RPS6KC1: variants seen among roughly 807,000 people sequenced by gnomAD.
RPS6KC1 encodes the protein inactive ribosomal protein S6 kinase delta-1.
A neutral mutation model predicts 103.8 loss-of-function variants in RPS6KC1; 54 were observed. That is an observed-to-expected ratio of 0.52 (90% CI 0.42 to 0.65). The LOEUF is 0.65. RPS6KC1 is among the 30% of genes least tolerant of loss of function. RPS6KC1 has a pLI of 0.00. For synonymous variants in RPS6KC1, 439 were observed against 438.7 expected (o/e 1.00, Z -0.01); for missense variants, 1,151 against 1,253.8 (o/e 0.92, Z 1.24).
At chr1:213,588,057 G>T in the RPS6KC1 span, among the ~76,000 whole-genome samples, 2 of 152,260 alleles carry the variant, frequency 1.3e-5, no homozygotes, top group East Asian at 3.9e-4. Context: ...TCACGTGGTA[G>T]AAGGGGCCAA....
At chr1:213,287,662 C>T in the RPS6KC1 span, among the ~76,000 whole-genome samples, 1 of 152,156 alleles carries the variant, frequency 6.6e-6, no homozygotes, top group Admixed American at 6.5e-5. Context: ...GTGGGATACA[C>T]AAAGCGCTCT....
intron 6 of RPS6KC1, among the ~76,000 whole-genome samples, chr1:213,141,811 A>G (rs1489782040): frequency 6.6e-6 from 1 of 151,100 alleles, no homozygotes. Flanking sequence ...CAGAAATTCT[A>G]GTATGTCGTA....
the RPS6KC1 span, among the ~76,000 whole-genome samples, chr1:213,854,564 C>CTTTCTTTCTTTCTTTCTTTCTT: frequency 1.9e-5 from 2 of 105,672 alleles, no homozygotes; most frequent in Non-Finnish European, 3.9e-5. Context: ...TTCTTTCTTT[C>CTTTCTTTCTTTCTTTCTTTCTT]TCTCTCTCTC....
At chr1:213,520,860 T>A in the RPS6KC1 span, among the ~76,000 whole-genome samples, 10 of 152,150 alleles carry the variant, frequency 6.6e-5, no homozygotes, top group African/African-American at 2.4e-4. Flanking sequence ...AATTGTCAAA[T>A]AAATAGTTGT....
chr1:213,605,783 G>T, the RPS6KC1 span, among the ~76,000 whole-genome samples: 1 of 152,308 alleles, frequency 6.6e-6, no homozygotes, highest in South Asian at 2.1e-4. Context: ...GCTGGGTTTG[G>T]TGAGAGCAAG....
chr1:213,462,511 C>G, the RPS6KC1 span, among the ~76,000 whole-genome samples: 1 of 152,256 alleles, frequency 6.6e-6, no homozygotes, highest in East Asian at 1.9e-4. Flanking sequence ...ACCCAAATGT[C>G]CATTAATGAT....
the RPS6KC1 span, among the ~76,000 whole-genome samples, chr1:213,599,336 C>T: frequency 6.6e-6 from 1 of 151,910 alleles, no homozygotes; most frequent in South Asian, 2.1e-4. Context: ...TCACAATTTC[C>T]TGCAGGCTGT....
chr1:213,480,237 G>T, the RPS6KC1 span, among the ~76,000 whole-genome samples: 3 of 151,762 alleles, frequency 2.0e-5, no homozygotes, highest in Non-Finnish European at 4.4e-5. Flanking sequence ...CATGATCGTG[G>T]TCATGATCTC....
the RPS6KC1 span, among the ~76,000 whole-genome samples, chr1:213,408,391 A>G: frequency 6.6e-6 from 1 of 152,216 alleles, no homozygotes; most frequent in African/African-American, 2.4e-5. Context: ...TTATGTATCA[A>G]CTTGGTTAGG....
the RPS6KC1 span, among the ~76,000 whole-genome samples, chr1:213,808,873 G>A: frequency 1.1e-4 from 17 of 152,324 alleles, no homozygotes; most frequent in Admixed American, 7.2e-4. Flanking sequence ...CTTCTGCATC[G>A]CTCACGCTGG....
At chr1:213,311,313 T>G in the RPS6KC1 span, among the ~76,000 whole-genome samples, 21 of 152,188 alleles carry the variant, frequency 1.4e-4, no homozygotes, top group Admixed American at 7.8e-4. Context: ...TAATTTTTTG[T>G]ATTTTTAGTA....
the RPS6KC1 span, among the ~76,000 whole-genome samples, chr1:213,609,480 G>T: frequency 6.6e-6 from 1 of 152,206 alleles, no homozygotes; most frequent in East Asian, 1.9e-4. Context: ...GCCCCTTCTT[G>T]GCTACCTGTT....
the RPS6KC1 span, among the ~76,000 whole-genome samples, chr1:213,649,256 C>CT: frequency 3.3e-5 from 3 of 90,730 alleles, no homozygotes; most frequent in African/African-American, 8.3e-5. Context: ...CAAGTCTCCA[C>CT]TTAAAAAAAA....
At chr1:213,377,569 C>T in the RPS6KC1 span, among the ~76,000 whole-genome samples, 1 of 152,150 alleles carries the variant, frequency 6.6e-6, no homozygotes, top group Non-Finnish European at 1.5e-5. Context: ...TGGAGTGGCT[C>T]CAACTGATGT....
the RPS6KC1 span, among the ~76,000 whole-genome samples, chr1:213,698,581 T>C: frequency 6.6e-6 from 1 of 152,172 alleles, no homozygotes; most frequent in African/African-American, 2.4e-5. Context: ...AATTCTGAAA[T>C]GTTACTAGAA....
intron 3 of RPS6KC1, among the ~76,000 whole-genome samples, chr1:213,083,501 G>C (rs2080095896): frequency 6.6e-6 from 1 of 152,180 alleles, no homozygotes; most frequent in Non-Finnish European, 1.5e-5. Flanking sequence ...GAGGTAACTT[G>C]TCTATAGTTT....
At chr1:213,217,569 C>A (rs1051587377) in intron 8 of RPS6KC1, among the ~76,000 whole-genome samples, 1 of 152,088 alleles carries the variant, frequency 6.6e-6, no homozygotes, top group Non-Finnish European at 1.5e-5. Flanking sequence ...GACACAACAA[C>A]AAAAGAGAAT....
chr1:213,159,231 C>T (rs1277078479), intron 6 of RPS6KC1, among the ~76,000 whole-genome samples: 2 of 152,032 alleles, frequency 1.3e-5, no homozygotes, highest in African/African-American at 2.4e-5. Context: ...AAAGTCTGGA[C>T]GAGTAGTTTC....
At chr1:213,151,107 G>A (rs1435823392) in intron 6 of RPS6KC1, among the ~76,000 whole-genome samples, 1 of 147,738 alleles carries the variant, frequency 6.8e-6, no homozygotes, top group African/African-American at 2.5e-5. Context: ...TGGGGGGGCT[G>A]GCTGGGCGGG....
Sources: gnomAD v4.1 joint callset for allele counts (sites outside exome capture counted in the v4.1 genomes callset) on GRCh38, gnomAD v4.1.1 for gene constraint, MANE v1.5 for transcripts, NCBI Gene and HGNC (gene_info 2026-07-23, HGNC 2026-07-21) for gene names.